AAK1: variants seen among roughly 807,000 people sequenced by gnomAD.
AAK1 encodes the protein AP2-associated protein kinase 1.
AAK1 carries 37 observed loss-of-function variants against 116.0 expected under a neutral mutation model. That is an observed-to-expected ratio of 0.32 (90% CI 0.25 to 0.42). The LOEUF (loss-of-function observed/expected upper bound fraction) is 0.42, where lower values mean the gene tolerates loss of function less well. Among genes scored for constraint, AAK1 ranks in the 10% least tolerant of loss-of-function variants. The pLI, the probability that AAK1 is intolerant of heterozygous loss-of-function variation, is 1.00. For synonymous variants in AAK1, 458 were observed against 439.9 expected (o/e 1.04, Z -0.51); for missense variants, 919 against 1,170.6 (o/e 0.79, Z 3.14).
At position 69,544,507 on chromosome 2, in the gene AAK1, A is replaced by G. The variant is rs1357729937; in HGVS notation, c.320T>C (p.Ile107Thr). Residue 107 changes from isoleucine to threonine, a missense_variant, in exon 4 of 22, where the codon ATT (isoleucine) becomes ACT (threonine). Physicochemically the swap from Ile to Thr is moderately conservative, Grantham distance 89. This residue lies in a region of AAK1 where 317 missense variants were observed against 490.4 expected (regional missense o/e 0.65). Transcript: ENST00000409085. Reference protein sequence around the residue: ...LSGHKNIVGYIDSSINNVSSG... With the variant: ...LSGHKNIVGYTDSSINNVSSG... ...ACTCACGTTGTTGATACTAGAATCAATGTAACCCACAATATTCTTGTGCCC... is the reference window on the plus strand; with the variant it reads ...ACTCACGTTGTTGATACTAGAATCAGTGTAACCCACAATATTCTTGTGCCC... The G allele has an allele frequency of 6.2e-7, 1 of 1,613,734 alleles. No individual in the cohort carries two copies. The highest frequency in any genetic ancestry group is 8.5e-7 in the Non-Finnish European group (1 of 1,179,776).
chr2:69,554,146 G>A (rs764244838), intron 3 of AAK1, among the ~76,000 whole-genome samples: 15 of 151,754 alleles, frequency 9.9e-5, no homozygotes, highest in Non-Finnish European at 1.6e-4. Flanking sequence ...AAGGAATTAC[G>A]GGTTCTAACA....
At chr2:69,513,626 A>C (rs1030895190) in intron 13 of AAK1, among the ~76,000 whole-genome samples, 2 of 152,230 alleles carry the variant, frequency 1.3e-5, no homozygotes, top group African/African-American at 4.8e-5. Flanking sequence ...GCCCAGCAGA[A>C]AGATGGCTTC....
chr2:69,638,685 A>G (rs1478942403), intron 2 of AAK1, among the ~76,000 whole-genome samples: 2 of 152,148 alleles, frequency 1.3e-5, no homozygotes, highest in African/African-American at 4.8e-5. Flanking sequence ...CACTTTGCCT[A>G]TACTATTCTC....
intron 12 of AAK1, among the ~76,000 whole-genome samples, chr2:69,515,773 G>A (rs1289768573): frequency 6.6e-6 from 1 of 151,958 alleles, no homozygotes; most frequent in African/African-American, 2.4e-5. Flanking sequence ...AGTTATTAGA[G>A]TCAATTGGGA....
Position 69,466,445 on chromosome 2 carries a change from A to G in AAK1, c.*9424T>C. Reference sequence around the variant, plus strand: ...CTAAGTTGTTCTGAGTCTTTGTGCCAGGTACTCTGGAGGGGTCTGGATACA... The same window carrying G: ...CTAAGTTGTTCTGAGTCTTTGTGCCGGGTACTCTGGAGGGGTCTGGATACA... On this transcript the variant is annotated 3_prime_UTR_variant, in exon 22 of 22. Transcript: ENST00000409085. The G allele has an allele frequency of 7.8e-7, 1 of 1,289,552 alleles. No individual in the cohort carries two copies. The highest frequency in any genetic ancestry group is 1.2e-5 in the South Asian group (1 of 80,980). The allele number at this position is 1,289,552 out of a possible 1,614,324, so 79.9% of individuals were successfully genotyped here. A position where few individuals can be genotyped will look rare whatever the true frequency, so the allele number is the denominator to read the frequency against.
At chr2:69,481,399 T>C (rs1675082776) in intron 18 of AAK1, 1 of 152,786 alleles carries the variant, frequency 6.5e-6, no homozygotes, top group Non-Finnish European at 1.5e-5. Flanking sequence ...GGCACCTTAA[T>C]TTTTTCTGGT....
At chr2:69,482,423 C>A in intron 18 of AAK1, 1 of 590,716 alleles carries the variant, frequency 1.7e-6, no homozygotes, top group Non-Finnish European at 3.0e-6. Context: ...AGTTAGAAAC[C>A]AATTTTTTAA....
intron 19 of AAK1, among the ~76,000 whole-genome samples, chr2:69,480,117 A>C (rs1429913613): frequency 2.6e-5 from 4 of 152,180 alleles, no homozygotes; most frequent in Non-Finnish European, 5.9e-5. Flanking sequence ...AAAACATTCA[A>C]ATGAGGATAA....
At chr2:69,588,541 T>C (rs951410186) in intron 2 of AAK1, among the ~76,000 whole-genome samples, 1 of 152,164 alleles carries the variant, frequency 6.6e-6, no homozygotes, top group African/African-American at 2.4e-5. Context: ...TATCCAGAAA[T>C]CCTGCCCTCC....
chr2:69,617,930 G>C (rs79837163), intron 2 of AAK1, among the ~76,000 whole-genome samples: 4 of 152,040 alleles, frequency 2.6e-5, no homozygotes, highest in Non-Finnish European at 5.9e-5. Context: ...CCTTTATCTC[G>C]AGGCTGCTGA....
rs184211617 is a variant in AAK1 at position 69,465,887 on chromosome 2, G to T, written c.*9982C>A. The T allele has an allele frequency of 1.9e-5, 24 of 1,290,758 alleles. No individual in the cohort carries two copies. Among genetic ancestry groups the T allele is most frequent in the Non-Finnish European group, 2.3e-5 (23 of 988,878 alleles). 80.0% of individuals were successfully genotyped at this position (1,290,758 alleles called of 1,614,324 possible). On this transcript the variant is annotated 3_prime_UTR_variant, in exon 22 of 22. Transcript: ENST00000409085. ...CTCTCTCACGGCCCGCGGGCAGGGG[G>T]ACATCACCTGTCTGACTGAGGAGAC... is the stretch of plus-strand genomic sequence containing the variant.
Position 69,469,378 on chromosome 2 carries a change from T to C in AAK1, c.*6491A>G. On this transcript the variant is annotated 3_prime_UTR_variant, in exon 22 of 22. Transcript: ENST00000409085. ...ACAGAAGGTAACCATTAAATCTTGT[T>C]GGCAGATAAAAGTCTTTTTTTGAGT... The C allele has an allele frequency of 1.0e-6, 1 of 985,454 alleles. No individual in the cohort carries two copies. Among genetic ancestry groups the C allele is most frequent in the Non-Finnish European group, 1.2e-6 (1 of 829,936 alleles). The allele number at this position is 985,454 out of a possible 1,614,324, so 61.0% of individuals were successfully genotyped here.
chr2:69,598,269 G>A (rs999541283), intron 2 of AAK1: 3 of 390,896 alleles, frequency 7.7e-6, no homozygotes, highest in African/African-American at 2.1e-5. Flanking sequence ...GTTATCCTCT[G>A]AGTAACAATT....
At chr2:69,634,804 C>G (rs183062403) in intron 2 of AAK1, among the ~76,000 whole-genome samples, 1 of 151,884 alleles carries the variant, frequency 6.6e-6, no homozygotes, top group Admixed American at 6.5e-5. Flanking sequence ...CCATCTTTAC[C>G]TATGTTCTAG....
chr2:69,521,061 G>C, intron 10 of AAK1, 73 bp from the exon 11 acceptor site: 1 of 1,518,360 alleles, frequency 6.6e-7, no homozygotes, highest in Non-Finnish European at 9.1e-7. Flanking sequence ...AGGACACAAT[G>C]CTTCCGCTTC....
chr2:69,497,778 T>A (rs1489009487), intron 16 of AAK1, among the ~76,000 whole-genome samples: 1 of 152,142 alleles, frequency 6.6e-6, no homozygotes, highest in East Asian at 1.9e-4. Context: ...TTCCTGCACA[T>A]ACAGTCCTGT....
intron 13 of AAK1, 144 bp from the exon 14 acceptor site, chr2:69,509,604 G>T: frequency 1.5e-6 from 1 of 684,546 alleles, no homozygotes. Context: ...TATCAATAAT[G>T]CCCAGAAAGA....
intron 10 of AAK1, among the ~76,000 whole-genome samples, chr2:69,522,908 G>A (rs1419305271): frequency 6.6e-6 from 1 of 152,166 alleles, no homozygotes; most frequent in East Asian, 1.9e-4. Flanking sequence ...CATCTCTTGA[G>A]GGGAACATAT....
Position 69,514,542 on chromosome 2 carries a change from T to C in AAK1, c.1705A>G (p.Met569Val), listed in dbSNP as rs752169008. The change falls in exon 13 of 22, where the codon ATG becomes GTG. Residue 569 changes from methionine (M) to valine (V), a missense_variant. Physicochemically the swap from Met to Val is conservative, Grantham distance 21. Coordinates refer to ENST00000409085, the MANE Select transcript of AAK1 (RefSeq NM_014911.5). ...QQAALQQKPT[M>V]AAGQQPQPQP... ...GGCTGGGGCTGCTGTCCTGCTGCCA[T>C]AGTGGGCTTTTGCTGCAAGGCAGCC... 2.0e-5 allele frequency: 31 copies of C among 1,553,246 alleles called. No individual in the cohort carries two copies. The highest frequency in any genetic ancestry group is 2.4e-5 in the Non-Finnish European group (28 of 1,148,038).
Sources: allele counts gnomAD v4.1 joint callset (sites outside exome capture counted in the v4.1 genomes callset), GRCh38; gene constraint gnomAD v4.1.1; regional missense constraint gnomAD v4.1.1; transcripts MANE v1.5; gene names NCBI Gene and HGNC (gene_info 2026-07-23, HGNC 2026-07-21).